Variants in AHI1 observed in about 807,000 individuals in gnomAD.
AHI1 encodes the protein Abelson helper integration site 1, also known as jouberin.
AHI1 carries 123 observed loss-of-function variants against 149.3 expected under a neutral mutation model. The ratio of observed to expected loss-of-function variants is 0.82; its 90% CI spans 0.71 to 0.96. The LOEUF (loss-of-function observed/expected upper bound fraction) is 0.96. Among genes scored for constraint, AHI1 ranks in the 40% least tolerant of loss-of-function variants. The pLI, the probability that AHI1 is intolerant of heterozygous loss-of-function variation, is 0.00. For synonymous variants in AHI1, 475 were observed against 459.8 expected (o/e 1.03, Z -0.42); for missense variants, 1,439 against 1,422.7 (o/e 1.01, Z -0.18).
chr6:135,421,617 A>G (rs934333280), intron 20 of AHI1, among the ~76,000 whole-genome samples: 3 of 152,086 alleles, frequency 2.0e-5, no homozygotes, highest in African/African-American at 4.8e-5. Context: ...TCTATTTTAC[A>G]TCATATCATT....
intron 23 of AHI1, among the ~76,000 whole-genome samples, chr6:135,359,201 T>C (rs562900960): frequency 1.3e-4 from 20 of 152,348 alleles, no homozygotes; most frequent in African/African-American, 4.6e-4. Flanking sequence ...ACATGCAGTT[T>C]TTGTTTCATT....
At chr6:135,356,371 A>G (rs1792967517) in intron 24 of AHI1, among the ~76,000 whole-genome samples, 1 of 152,234 alleles carries the variant, frequency 6.6e-6, no homozygotes, top group Non-Finnish European at 1.5e-5. Context: ...GAAATTAGAT[A>G]AAATTACATT....
chr6:135,350,052 A>G (rs1791841257), intron 24 of AHI1, among the ~76,000 whole-genome samples: 1 of 152,258 alleles, frequency 6.6e-6, no homozygotes, highest in South Asian at 2.1e-4. Flanking sequence ...GGAAAAAGAA[A>G]TCTTTATTTC....
At chr6:135,405,880 A>AAAAAAGAAAAAG in intron 21 of AHI1, among the ~76,000 whole-genome samples, 1 of 150,968 alleles carries the variant, frequency 6.6e-6, no homozygotes, top group South Asian at 2.1e-4. Context: ...AAAAAGAAAA[A>AAAAAAGAAAAAG]AAAAAGAAAA....
At chr6:135,387,246 C>T (rs767910199) in intron 23 of AHI1, among the ~76,000 whole-genome samples, 56 of 152,098 alleles carry the variant, frequency 3.7e-4, no homozygotes, top group Non-Finnish European at 7.8e-4. Context: ...TGAAGTATCT[C>T]AAGATTTTTT....
intron 24 of AHI1, among the ~76,000 whole-genome samples, chr6:135,356,094 T>G (rs1222328100): frequency 6.6e-6 from 1 of 152,114 alleles, no homozygotes; most frequent in South Asian, 2.1e-4. Context: ...AAGCTGGGAA[T>G]TGAGGGTTAG....
At chr6:135,389,528 C>T (rs1226212061) in intron 23 of AHI1, among the ~76,000 whole-genome samples, 3 of 151,930 alleles carry the variant, frequency 2.0e-5, no homozygotes, top group Non-Finnish European at 2.9e-5. Flanking sequence ...CAAGGTCTAA[C>T]GGAGAACACA....
At chr6:135,490,985 A>C (rs1795176932) in intron 4 of AHI1, among the ~76,000 whole-genome samples, 2 of 152,106 alleles carry the variant, frequency 1.3e-5, no homozygotes, top group South Asian at 2.1e-4. Context: ...TCCTTTGCTA[A>C]GTTAACTTTT....
At chr6:135,411,583 C>T in intron 20 of AHI1, 39 bp from the exon 21 acceptor site, 15 of 1,485,486 alleles carry the variant, frequency 1.0e-5, no homozygotes, top group Non-Finnish European at 1.4e-5. Context: ...ATCATCATAG[C>T]AAAAGCATAA....
intron 28 of AHI1, among the ~76,000 whole-genome samples, chr6:135,286,798 C>A (rs975554205): frequency 2.6e-5 from 4 of 152,080 alleles, no homozygotes; most frequent in African/African-American, 9.7e-5. Context: ...CCCAAAAATA[C>A]GTTCTAGTGA....
chr6:135,306,349 G>C (rs771795727), intron 26 of AHI1, among the ~76,000 whole-genome samples: 1 of 152,156 alleles, frequency 6.6e-6, no homozygotes, highest in Non-Finnish European at 1.5e-5. Flanking sequence ...AGCTGCAGGA[G>C]GGTAAAATTA....
intron 27 of AHI1, among the ~76,000 whole-genome samples, chr6:135,291,145 A>G (rs1275223373): frequency 1.3e-5 from 2 of 151,316 alleles, no homozygotes; most frequent in South Asian, 2.1e-4. Context: ...AAAAACAATG[A>G]AAAAAAAAGG....
chr6:135,454,830 C>T (rs1178638604), intron 10 of AHI1, among the ~76,000 whole-genome samples: 1 of 152,072 alleles, frequency 6.6e-6, no homozygotes, highest in Non-Finnish European at 1.5e-5. Context: ...ACAATAACAG[C>T]TTTATGTAAA....
intron 6 of AHI1, 45 bp downstream of exon 6, chr6:135,467,536 G>T: frequency 1.3e-6 from 2 of 1,490,064 alleles, no homozygotes; most frequent in South Asian, 1.1e-5. Flanking sequence ...TGTTTTTAGT[G>T]ACTCTCATGC....
At chr6:135,369,906 T>TC (rs1195448140) in intron 23 of AHI1, among the ~76,000 whole-genome samples, 2 of 152,218 alleles carry the variant, frequency 1.3e-5, no homozygotes, top group African/African-American at 4.8e-5. Context: ...CATGAAATTC[T>TC]CCATCTTTGC....
At position 135,427,405 on chromosome 6, in the gene AHI1, T is replaced by C. The variant is rs991947510; in HGVS notation, c.2624-98A>G. On this transcript the variant is annotated intron_variant, in intron 19 of 28. Transcript: ENST00000265602. ...TCTGCCATTTATTAGAAAATATTTATAGCAATGATGCTCACATTATTTATG... is the reference window on the plus strand; with the variant it reads ...TCTGCCATTTATTAGAAAATATTTACAGCAATGATGCTCACATTATTTATG... 8.4e-5 allele frequency: 86 copies of C among 1,027,738 alleles called. No homozygotes were observed. The Admixed American group carries it at 2.1e-3, about 25-fold the overall frequency. The allele number at this position is 1,027,738 out of a possible 1,614,324, so 63.7% of individuals were successfully genotyped here.
intron 15 of AHI1, 127 bp from the exon 16 acceptor site, chr6:135,433,383 G>A: frequency 1.6e-6 from 1 of 620,458 alleles, no homozygotes; most frequent in South Asian, 2.1e-5. Flanking sequence ...GGTAAACCAA[G>A]TTTTAAAACA....
intron 19 of AHI1, among the ~76,000 whole-genome samples, chr6:135,428,356 G>C (rs1377629402): frequency 6.6e-6 from 1 of 151,580 alleles, no homozygotes; most frequent in Non-Finnish European, 1.5e-5. Context: ...TCTAAGATCA[G>C]CAATGTCTCA....
chr6:135,311,623 G>T lies in AHI1; in HGVS notation c.3426+6896C>A, dbSNP rs77973524. ...CCTCCCCAAATAAATGGATCATAAA[G>T]GTTAATGCTTAGGCTAGCAAAAATA... On this transcript the variant is annotated intron_variant, in intron 26 of 28. Transcript: ENST00000265602. 8.0e-3 allele frequency among the ~76,000 whole-genome samples: 1,208 copies of T among 150,516 alleles called. 23 individuals are homozygous for T. Among genetic ancestry groups the T allele is most frequent in the African/African-American group, 0.028 (1,165 of 41,420 alleles).
Sources: gnomAD v4.1 joint callset for allele counts (sites outside exome capture counted in the v4.1 genomes callset) on GRCh38, gnomAD v4.1.1 for gene constraint, MANE v1.5 for transcripts, NCBI Gene and HGNC (gene_info 2026-07-23, HGNC 2026-07-21) for gene names.